TENM3: variants seen among roughly 807,000 people sequenced by gnomAD.
TENM3 encodes teneurin transmembrane protein 3.
Under a neutral mutation model 255.1 loss-of-function variants are expected in TENM3, and 63 were observed. The observed-to-expected ratio is 0.25, with a 90% CI of 0.20 to 0.30. The LOEUF (loss-of-function observed/expected upper bound fraction) is 0.30, where lower values mean the gene tolerates loss of function less well. Ranked by LOEUF, TENM3 falls within the 10% of genes least tolerant of loss-of-function variation. The pLI is 1.00. For synonymous variants in TENM3, 1,306 were observed against 1,322.3 expected (o/e 0.99, Z 0.27); for missense variants, 2,929 against 3,461.1 (o/e 0.85, Z 3.86).
At chr4:181,690,999 C>T in the TENM3 span, among the ~76,000 whole-genome samples, 1 of 152,088 alleles carries the variant, frequency 6.6e-6, no homozygotes, top group African/African-American at 2.4e-5. Context: ...TTACTGAATG[C>T]TCTATGCATC....
At chr4:181,766,379 G>GT in the TENM3 span, among the ~76,000 whole-genome samples, 1 of 152,100 alleles carries the variant, frequency 6.6e-6, no homozygotes, top group South Asian at 2.1e-4. Context: ...GAATCGGGGA[G>GT]TAGGGGCTTA....
At chr4:181,796,046 A>T in the TENM3 span, among the ~76,000 whole-genome samples, 1 of 152,202 alleles carries the variant, frequency 6.6e-6, no homozygotes, top group Non-Finnish European at 1.5e-5. Context: ...TTGATTGGAT[A>T]TGGGCTACAG....
chr4:181,610,757 C>T, the TENM3 span, among the ~76,000 whole-genome samples: 3 of 152,040 alleles, frequency 2.0e-5, no homozygotes, highest in Admixed American at 2.0e-4. Context: ...ACGGTAGGTA[C>T]TCAGATGAGC....
the TENM3 span, among the ~76,000 whole-genome samples, chr4:181,819,655 A>T: frequency 6.6e-6 from 1 of 152,146 alleles, no homozygotes; most frequent in African/African-American, 2.4e-5. Context: ...TGCACCTCCG[A>T]TCATCAGGCA....
chr4:181,806,076 A>G, the TENM3 span, among the ~76,000 whole-genome samples: 3 of 152,154 alleles, frequency 2.0e-5, no homozygotes, highest in African/African-American at 7.2e-5. Flanking sequence ...TCCCTCATCC[A>G]TAAAATAAGA....
At chr4:181,696,552 A>G in the TENM3 span, among the ~76,000 whole-genome samples, 1 of 152,342 alleles carries the variant, frequency 6.6e-6, no homozygotes, top group Admixed American at 6.5e-5. Flanking sequence ...CAGCTCATAT[A>G]GACTACTTTA....
the TENM3 span, among the ~76,000 whole-genome samples, chr4:182,009,473 G>A: frequency 2.6e-5 from 4 of 152,118 alleles, no homozygotes; most frequent in South Asian, 4.1e-4. Flanking sequence ...AGGAAGGATG[G>A]GTCAGGGTTA....
chr4:181,610,392 T>C, the TENM3 span, among the ~76,000 whole-genome samples: 246 of 152,324 alleles, frequency 1.6e-3, no homozygotes, highest in African/African-American at 5.5e-3. Flanking sequence ...ATAACATACA[T>C]TTCCATTCAT....
the TENM3 span, among the ~76,000 whole-genome samples, chr4:181,909,124 C>G: frequency 6.6e-6 from 1 of 152,130 alleles, no homozygotes; most frequent in Non-Finnish European, 1.5e-5. Flanking sequence ...TTTTAACAAG[C>G]CTTCAGCTGA....
At chr4:181,733,531 C>T in the TENM3 span, among the ~76,000 whole-genome samples, 1 of 152,170 alleles carries the variant, frequency 6.6e-6, no homozygotes, top group East Asian at 1.9e-4. Context: ...AACGCTTGAG[C>T]ATACTGAGAT....
chr4:182,675,667 G>T (rs1755610071), intron 7 of TENM3, among the ~76,000 whole-genome samples: 1 of 152,090 alleles, frequency 6.6e-6, no homozygotes, highest in South Asian at 2.1e-4. Flanking sequence ...CACTGAAACC[G>T]CATATGTGAT....
chr4:181,907,726 C>A, the TENM3 span, among the ~76,000 whole-genome samples: 5 of 152,108 alleles, frequency 3.3e-5, no homozygotes, highest in African/African-American at 7.2e-5. Context: ...GAGAATTACT[C>A]CCATCTGGGG....
the TENM3 span, among the ~76,000 whole-genome samples, chr4:182,117,482 T>C: frequency 1.3e-5 from 2 of 152,194 alleles, no homozygotes; most frequent in Non-Finnish European, 2.9e-5. Context: ...TTTGTGAACA[T>C]TGTGAGGTGT....
the TENM3 span, among the ~76,000 whole-genome samples, chr4:181,648,381 AT>A: frequency 6.6e-6 from 1 of 151,166 alleles, no homozygotes; most frequent in Non-Finnish European, 1.5e-5. Context: ...ACTGACTCAT[AT>A]GAAGCACGCT....
the TENM3 span, among the ~76,000 whole-genome samples, chr4:182,096,679 A>G: frequency 2.6e-5 from 4 of 152,322 alleles, no homozygotes; most frequent in Admixed American, 2.6e-4. Context: ...ACACTAGAGC[A>G]TATAAAGACC....
chr4:181,534,615 C>A, the TENM3 span, among the ~76,000 whole-genome samples: 1 of 152,132 alleles, frequency 6.6e-6, no homozygotes, highest in Admixed American at 6.5e-5. Context: ...GGAAAACTTT[C>A]CGGACTGCCC....
intron 3 of TENM3, among the ~76,000 whole-genome samples, chr4:182,437,144 T>C (rs990076847): frequency 6.6e-6 from 1 of 152,106 alleles, no homozygotes; most frequent in Non-Finnish European, 1.5e-5. Flanking sequence ...AATGTTACCA[T>C]ATGGGGTAGA....
the TENM3 span, among the ~76,000 whole-genome samples, chr4:181,664,355 A>G: frequency 6.6e-6 from 1 of 152,148 alleles, no homozygotes; most frequent in Non-Finnish European, 1.5e-5. Flanking sequence ...CTGTAATCCC[A>G]GCTACTCAGG....
chr4:181,943,908 A>G, the TENM3 span, among the ~76,000 whole-genome samples: 1 of 152,054 alleles, frequency 6.6e-6, no homozygotes, highest in Non-Finnish European at 1.5e-5. Flanking sequence ...CTCTTTCTCT[A>G]TCTCGCCACA....
Sources: gnomAD v4.1 joint callset for allele counts (sites outside exome capture counted in the v4.1 genomes callset) on GRCh38, gnomAD v4.1.1 for gene constraint, MANE v1.5 for transcripts, NCBI Gene and HGNC (gene_info 2026-07-23, HGNC 2026-07-21) for gene names.